The following CSMD1 variants were observed in gnomAD, a reference collection of about 807,000 sequenced individuals.
CSMD1 encodes the protein CUB and Sushi multiple domains 1.
A neutral mutation model predicts 417.5 loss-of-function variants in CSMD1; 213 were observed. That is an observed-to-expected ratio of 0.51 (90% CI 0.46 to 0.57). CSMD1 has a LOEUF of 0.57. Among genes scored for constraint, CSMD1 ranks in the 20% least tolerant of loss-of-function variants. The pLI is 0.00. For synonymous variants in CSMD1, 2,862 were observed against 1,736.8 expected (o/e 1.65, Z -16.11); for missense variants, 6,923 against 4,529.7 (o/e 1.53, Z -15.17).
chr8:4,979,341 C>T lies in CSMD1; in HGVS notation c.85+14991G>A, dbSNP rs1046189109. On this transcript the variant is annotated intron_variant, in intron 1 of 69. Coordinates refer to ENST00000635120, the MANE Select transcript of CSMD1 (RefSeq NM_033225.6). ...TCCTTATGATATTGAGCACAGTTGA[C>T]ATTCCCTTTGTAAAGACAAAGAAAC... Among the ~76,000 whole-genome samples the T allele has an allele frequency of 1.2e-4, 18 of 152,246 alleles. No homozygotes were observed. In the East Asian group the frequency reaches 2.1e-3, roughly 18 times the overall value.
intron 26 of CSMD1, among the ~76,000 whole-genome samples, chr8:3,239,414 T>C (rs1029537064): frequency 6.6e-6 from 1 of 152,174 alleles, no homozygotes; most frequent in African/African-American, 2.4e-5. Context: ...TATGGTGGCC[T>C]TCTTAGACCC....
intron 2 of CSMD1, among the ~76,000 whole-genome samples, chr8:4,500,989 A>T (rs1802232400): frequency 6.6e-6 from 1 of 152,108 alleles, no homozygotes; most frequent in Admixed American, 6.6e-5. Flanking sequence ...GAGGTTGATG[A>T]TGTCCAAATG....
chr8:3,917,650 G>A (rs1170669940), intron 5 of CSMD1, among the ~76,000 whole-genome samples: 2 of 151,856 alleles, frequency 1.3e-5, no homozygotes, highest in Non-Finnish European at 2.9e-5. Flanking sequence ...ATTATGGTAC[G>A]ACTAACATGC....
chr8:4,256,973 A>T (rs1478549851), intron 3 of CSMD1, among the ~76,000 whole-genome samples: 1 of 152,198 alleles, frequency 6.6e-6, no homozygotes, highest in Non-Finnish European at 1.5e-5. Flanking sequence ...GGCTGGAGGT[A>T]TTCAATCTGG....
intron 5 of CSMD1, among the ~76,000 whole-genome samples, chr8:3,847,991 C>T (rs555584100): frequency 2.8e-4 from 42 of 152,056 alleles, no homozygotes; most frequent in Non-Finnish European, 4.4e-4. Context: ...CATCTCTATT[C>T]TGTGTATCTT....
chr8:3,558,321 G>A (rs868019320), intron 10 of CSMD1, among the ~76,000 whole-genome samples: 2 of 138,620 alleles, frequency 1.4e-5, no homozygotes, highest in South Asian at 2.3e-4. Context: ...CTCCAATGAT[G>A]AATGATGCCT....
At chr8:4,613,555 A>C (rs1801304127) in intron 2 of CSMD1, among the ~76,000 whole-genome samples, 2 of 152,200 alleles carry the variant, frequency 1.3e-5, no homozygotes, top group South Asian at 4.1e-4. Flanking sequence ...TTTCACACAC[A>C]ATGACTACAG....
chr8:4,213,750 G>C (rs540868878), intron 3 of CSMD1, among the ~76,000 whole-genome samples: 1 of 152,192 alleles, frequency 6.6e-6, no homozygotes, highest in Non-Finnish European at 1.5e-5. Context: ...GGTAGAACAT[G>C]GCTGAGATGG....
intron 8 of CSMD1, among the ~76,000 whole-genome samples, chr8:3,605,182 G>C (rs1801551100): frequency 6.6e-6 from 1 of 152,142 alleles, no homozygotes; most frequent in South Asian, 2.1e-4. Flanking sequence ...AGTAGAAACA[G>C]GGTTTCCCTG....
rs140744353 is a variant in CSMD1, at chr8:4,253,752, T to C, written c.415+166201A>G. ...TCAATTTTCTGGTTGTTCAATTATA[T>C]ACTTGAAAAAAAAAACAGCTGATGA... On this transcript the variant is annotated intron_variant, in intron 3 of 69. Transcript: ENST00000635120. Among the ~76,000 whole-genome samples, 1,067 of 147,694 alleles carry C rather than the reference T, an allele frequency of 7.2e-3. 35 individuals are homozygous for C. Among genetic ancestry groups the C allele is most frequent in the Admixed American group, 0.054 (805 of 14,888 alleles).
chr8:4,033,187 T>TC (rs1797442019), intron 3 of CSMD1, among the ~76,000 whole-genome samples: 1 of 143,230 alleles, frequency 7.0e-6, no homozygotes, highest in Non-Finnish European at 1.5e-5. Context: ...ACGCCTGTAG[T>TC]CCCAGCACTT....
chr8:3,625,709 C>T (rs575288550), intron 7 of CSMD1, among the ~76,000 whole-genome samples: 2 of 152,192 alleles, frequency 1.3e-5, no homozygotes, highest in Admixed American at 6.5e-5. Flanking sequence ...TCCTAAAATT[C>T]AGTCATTCAA....
At chr8:4,727,929 A>ATATATACAAAATATATATATG (rs1809569022) in intron 1 of CSMD1, among the ~76,000 whole-genome samples, 2 of 136,324 alleles carry the variant, frequency 1.5e-5, no homozygotes, top group African/African-American at 5.4e-5. Flanking sequence ...TACATCTAAT[A>ATATATACAAAATATATATATG]TATATATATA....
At chr8:3,733,259 C>CGCAT (rs1554525035) in intron 6 of CSMD1, among the ~76,000 whole-genome samples, 8 of 147,302 alleles carry the variant, frequency 5.4e-5, no homozygotes, top group African/African-American at 2.0e-4. Flanking sequence ...AATATATATA[C>CGCAT]ACATACACAT....
chr8:3,121,761 T>G (rs866252798), intron 41 of CSMD1, among the ~76,000 whole-genome samples: 7 of 152,092 alleles, frequency 4.6e-5, no homozygotes, highest in African/African-American at 1.2e-4. Context: ...ATCATACCAC[T>G]GCACTCCAGC....
At chr8:4,013,823 C>G (rs1379576822) in intron 4 of CSMD1, among the ~76,000 whole-genome samples, 6 of 152,100 alleles carry the variant, frequency 3.9e-5, no homozygotes, top group East Asian at 1.9e-4. Flanking sequence ...TAGGTGGTGT[C>G]TATGGGGTCT....
chr8:3,712,457 A>T (rs1465319595), intron 6 of CSMD1, among the ~76,000 whole-genome samples: 4 of 150,934 alleles, frequency 2.7e-5, no homozygotes, highest in African/African-American at 9.8e-5. Flanking sequence ...AGAGAGAGAA[A>T]CTAGAGCTGC....
chr8:3,384,479 T>C (rs1246572345), intron 18 of CSMD1, among the ~76,000 whole-genome samples: 1 of 151,406 alleles, frequency 6.6e-6, no homozygotes, highest in Non-Finnish European at 1.5e-5. Context: ...TGTATTTCCA[T>C]ACCAATTCCA....
chr8:3,579,698 T>C (rs1336485032), intron 9 of CSMD1, among the ~76,000 whole-genome samples: 1 of 152,200 alleles, frequency 6.6e-6, no homozygotes, highest in African/African-American at 2.4e-5. Flanking sequence ...CATCTTAACT[T>C]ATTTAATTTT....
Sources: allele counts gnomAD v4.1 joint callset (sites outside exome capture counted in the v4.1 genomes callset), GRCh38; gene constraint gnomAD v4.1.1; transcripts MANE v1.5; gene names NCBI Gene and HGNC (gene_info 2026-07-23, HGNC 2026-07-21).